The following PLXDC2 variants were observed in gnomAD, a reference collection of about 807,000 sequenced individuals.
PLXDC2 encodes the protein plexin domain containing 2, also known as plexin domain-containing protein 2.
A neutral mutation model predicts 68.9 loss-of-function variants in PLXDC2; 40 were observed. The observed-to-expected ratio is 0.58, with a 90% CI of 0.45 to 0.76. PLXDC2 has a LOEUF of 0.76. Among genes scored for constraint, PLXDC2 ranks in the 30% least tolerant of loss-of-function variants. The pLI is 0.00. For synonymous variants in PLXDC2, 243 were observed against 234.2 expected, an observed-to-expected ratio of 1.04 and a Z score of -0.34; for missense variants, 644 against 661.9, an observed-to-expected ratio of 0.97 and a Z score of 0.30.
intron 6 of PLXDC2, among the ~76,000 whole-genome samples, chr10:20,154,026 TTA>T (rs1335490839): frequency 1.1e-4 from 17 of 152,134 alleles, no homozygotes; most frequent in African/African-American, 3.1e-4. Flanking sequence ...CTATAATTTT[TTA>T]AATGAAAGAA....
At chr10:20,181,394 T>C (rs1453451916) in intron 9 of PLXDC2, among the ~76,000 whole-genome samples, 3 of 152,046 alleles carry the variant, frequency 2.0e-5, no homozygotes, top group Non-Finnish European at 4.4e-5. Context: ...AGTTTGGAGT[T>C]TAGCTTAGTA....
chr10:19,980,580 C>T (rs1834535859), intron 1 of PLXDC2, among the ~76,000 whole-genome samples: 1 of 152,118 alleles, frequency 6.6e-6, no homozygotes, highest in South Asian at 2.1e-4. Flanking sequence ...TGGTTTGGGC[C>T]AGACATCTAT....
At chr10:20,091,466 C>T (rs1833275344) in intron 4 of PLXDC2, among the ~76,000 whole-genome samples, 1 of 152,150 alleles carries the variant, frequency 6.6e-6, no homozygotes, top group East Asian at 1.9e-4. Flanking sequence ...ATATAGTTTT[C>T]TGACTCATTG....
At chr10:19,929,102 T>C (rs900018257) in intron 1 of PLXDC2, among the ~76,000 whole-genome samples, 1 of 151,142 alleles carries the variant, frequency 6.6e-6, no homozygotes, top group Non-Finnish European at 1.5e-5. Context: ...TGGCTGGGCA[T>C]GGTGGTTGGC....
intron 4 of PLXDC2, among the ~76,000 whole-genome samples, chr10:20,101,561 T>A (rs1238288033): frequency 6.6e-6 from 1 of 152,208 alleles, no homozygotes; most frequent in East Asian, 1.9e-4. Context: ...CTTTGATTAA[T>A]ACTTATCATT....
rs560820400 is a variant in PLXDC2, at chr10:20,036,868, T to G, written c.325-10001T>G. Reference sequence around the variant, plus strand: ...TTCGCCTCCAACTTTGGGGCCAATCTACAATTTATCAACAAGGATGATTAT... The same window carrying G: ...TTCGCCTCCAACTTTGGGGCCAATCGACAATTTATCAACAAGGATGATTAT... On this transcript the variant is annotated intron_variant, in intron 2 of 13. Coordinates refer to ENST00000377252, the MANE Select transcript of PLXDC2 (RefSeq NM_032812.9). 2.1e-4 allele frequency among the ~76,000 whole-genome samples: 32 copies of G among 152,332 alleles called. 1 individual carries two copies. The highest frequency in any genetic ancestry group is 1.9e-3 in the Admixed American group (29 of 15,304).
At chr10:19,869,709 T>A (rs1447822593) in intron 1 of PLXDC2, among the ~76,000 whole-genome samples, 2 of 152,092 alleles carry the variant, frequency 1.3e-5, no homozygotes, top group African/African-American at 4.8e-5. Flanking sequence ...TTATCTGAAG[T>A]GTTTTATTTT....
At chr10:19,890,825 C>T (rs1837946488) in intron 1 of PLXDC2, among the ~76,000 whole-genome samples, 1 of 151,242 alleles carries the variant, frequency 6.6e-6, no homozygotes, top group African/African-American at 2.4e-5. Flanking sequence ...GATGTGTATG[C>T]ATCTGTATAT....
intron 4 of PLXDC2, among the ~76,000 whole-genome samples, chr10:20,091,398 T>A (rs968243068): frequency 1.3e-5 from 2 of 152,228 alleles, no homozygotes; most frequent in African/African-American, 4.8e-5. Flanking sequence ...CTTCCTCTAA[T>A]GCAAAATGTT....
intron 9 of PLXDC2, among the ~76,000 whole-genome samples, chr10:20,189,831 T>G (rs1013501291): frequency 3.3e-5 from 5 of 151,720 alleles, no homozygotes; most frequent in Non-Finnish European, 7.4e-5. Context: ...CATTTTGGTC[T>G]CTGTCTTCTT....
intron 9 of PLXDC2, among the ~76,000 whole-genome samples, chr10:20,189,499 A>ATATATG (rs1834732659): frequency 8.0e-6 from 1 of 124,264 alleles, no homozygotes; most frequent in Non-Finnish European, 1.7e-5. Context: ...ATATATATAT[A>ATATATG]TATATACACA....
chr10:20,121,609 G>C (rs955781678), intron 4 of PLXDC2, among the ~76,000 whole-genome samples: 1 of 152,190 alleles, frequency 6.6e-6, no homozygotes, highest in Non-Finnish European at 1.5e-5. Flanking sequence ...GAGAGGCTGG[G>C]ATGACAGGTG....
intron 1 of PLXDC2, among the ~76,000 whole-genome samples, chr10:19,928,253 A>G (rs531580768): frequency 6.6e-6 from 1 of 152,356 alleles, no homozygotes; most frequent in South Asian, 2.1e-4. Context: ...TGCAATAAAC[A>G]TACATGTGCC....
intron 4 of PLXDC2, among the ~76,000 whole-genome samples, chr10:20,092,439 T>C (rs905350625): frequency 6.6e-6 from 1 of 152,142 alleles, no homozygotes; most frequent in Non-Finnish European, 1.5e-5. Flanking sequence ...TAGTAAGTGC[T>C]CAGTTAATAT....
intron 10 of PLXDC2, among the ~76,000 whole-genome samples, chr10:20,214,421 A>G (rs1196619882): frequency 1.3e-5 from 2 of 152,166 alleles, no homozygotes; most frequent in African/African-American, 2.4e-5. Context: ...TAATGTGAGG[A>G]GGAGAAGTTC....
intron 1 of PLXDC2, among the ~76,000 whole-genome samples, chr10:19,819,723 A>G (rs1047045668): frequency 6.6e-6 from 1 of 152,202 alleles, no homozygotes; most frequent in East Asian, 1.9e-4. Flanking sequence ...ATTTACACTT[A>G]TTTTAGTTGT....
intron 1 of PLXDC2, among the ~76,000 whole-genome samples, chr10:19,924,504 G>C (rs544760730): frequency 6.6e-6 from 1 of 152,126 alleles, no homozygotes; most frequent in East Asian, 1.9e-4. Context: ...CCTTGGCAAG[G>C]TTATATAATA....
intron 1 of PLXDC2, among the ~76,000 whole-genome samples, chr10:19,993,569 G>T (rs149116735): frequency 6.6e-6 from 1 of 152,150 alleles, no homozygotes; most frequent in East Asian, 1.9e-4. Context: ...ACAGGCATGC[G>T]CCACCTCACC....
chr10:19,827,095 G>A (rs1294713301), intron 1 of PLXDC2, among the ~76,000 whole-genome samples: 3 of 152,176 alleles, frequency 2.0e-5, no homozygotes, highest in Non-Finnish European at 4.4e-5. Context: ...TTTACATGCA[G>A]GAGATGCTTG....
Sources: gnomAD v4.1 joint callset for allele counts (sites outside exome capture counted in the v4.1 genomes callset) on GRCh38, gnomAD v4.1.1 for gene constraint, MANE v1.5 for transcripts, NCBI Gene and HGNC (gene_info 2026-07-23, HGNC 2026-07-21) for gene names.